BFSP2: variants seen among roughly 807,000 people sequenced by gnomAD.
BFSP2 encodes the protein phakinin.
Under a neutral mutation model 44.9 loss-of-function variants are expected in BFSP2, and 38 were observed. The ratio of observed to expected loss-of-function variants is 0.85; its 90% CI spans 0.65 to 1.11. The LOEUF (loss-of-function observed/expected upper bound fraction) is 1.11. Ranked by LOEUF, BFSP2 falls within the 50% of genes least tolerant of loss-of-function variation. The pLI is 0.00. For synonymous variants in BFSP2, 197 were observed against 209.9 expected (o/e 0.94, Z 0.53); for missense variants, 525 against 533.0 (o/e 0.99, Z 0.15).
At chr3:133,432,936 G>A (rs941311045) in intron 1 of BFSP2, among the ~76,000 whole-genome samples, 22 of 152,138 alleles carry the variant, frequency 1.4e-4, no homozygotes, top group Non-Finnish European at 2.9e-4. Flanking sequence ...CGCGTGCAGC[G>A]GCTGCCGCTG....
intron 1 of BFSP2, among the ~76,000 whole-genome samples, chr3:133,428,993 C>T (rs1394928656): frequency 4.0e-5 from 6 of 151,844 alleles, no homozygotes; most frequent in African/African-American, 1.2e-4. Flanking sequence ...CCACCTAATA[C>T]TCAGCATTGT....
chr3:133,410,581 C>A (rs1261021313), intron 1 of BFSP2: 3 of 282,626 alleles, frequency 1.1e-5, no homozygotes, highest in Non-Finnish European at 2.2e-5. Flanking sequence ...TCTCACGTAT[C>A]TTTTCCAAGT....
intron 1 of BFSP2, among the ~76,000 whole-genome samples, chr3:133,438,435 T>G (rs931109853): frequency 4.6e-5 from 7 of 152,154 alleles, no homozygotes; most frequent in Admixed American, 4.6e-4. Flanking sequence ...CTCAGGAGGC[T>G]GAGGCAGGAG....
chr3:133,452,831 A>G (rs886707303), intron 4 of BFSP2, among the ~76,000 whole-genome samples: 4 of 151,986 alleles, frequency 2.6e-5, no homozygotes, highest in African/African-American at 9.7e-5. Flanking sequence ...TGTGCACCAC[A>G]CTGTGGTAAC....
rs748001305 is a variant in BFSP2 at position 133,474,954 on chromosome 3, T to C, written c.1245-15T>C. ...CCTCACCCATTGCTTCTGACTCCTATGTGTTTCCTTTCAGCTGATGGAGAA... is the reference window on the plus strand; with the variant it reads ...CCTCACCCATTGCTTCTGACTCCTACGTGTTTCCTTTCAGCTGATGGAGAA... On this transcript the variant is annotated splice_polypyrimidine_tract_variant and intron_variant, in intron 6 of 6. Coordinates refer to ENST00000302334, the MANE Select transcript of BFSP2 (RefSeq NM_003571.4). The C allele has an allele frequency of 1.2e-6, 2 of 1,614,208 alleles. No homozygotes were observed. The highest frequency in any genetic ancestry group is 1.1e-5 in the South Asian group (1 of 91,084).
intron 1 of BFSP2, among the ~76,000 whole-genome samples, chr3:133,426,937 G>A (rs1194363245): frequency 1.3e-5 from 2 of 152,190 alleles, no homozygotes; most frequent in African/African-American, 2.4e-5. Flanking sequence ...AGTGGGAGAT[G>A]GAAAGCATGC....
chr3:133,463,678 C>G (rs995699773), intron 4 of BFSP2, among the ~76,000 whole-genome samples: 2 of 152,190 alleles, frequency 1.3e-5, no homozygotes, highest in Non-Finnish European at 2.9e-5. Flanking sequence ...TTGCCCAACT[C>G]CTGAGATCTT....
intron 1 of BFSP2, among the ~76,000 whole-genome samples, chr3:133,428,851 G>A (rs2073679817): frequency 6.6e-6 from 1 of 152,132 alleles, no homozygotes; most frequent in East Asian, 1.9e-4. Flanking sequence ...GTCCCAGCCA[G>A]TCTCTCCCTG....
chr3:133,411,945 A>T (rs1035185838), intron 1 of BFSP2, among the ~76,000 whole-genome samples: 1 of 152,252 alleles, frequency 6.6e-6, no homozygotes, highest in Non-Finnish European at 1.5e-5. Context: ...CCAAACAATT[A>T]AAAAATATAT....
intron 3 of BFSP2, among the ~76,000 whole-genome samples, chr3:133,449,733 C>T (rs930181047): frequency 8.6e-5 from 13 of 151,844 alleles, no homozygotes; most frequent in Non-Finnish European, 1.9e-4. Flanking sequence ...CAAAAATTAG[C>T]TGGGCATGGT....
At position 133,448,504 on chromosome 3, in the gene BFSP2, GC is replaced by G. The variant is rs771781592; in HGVS notation, c.590del (p.Pro197HisfsTer22). ...DFKERYENEQ[P>X]FRKAAEEEIN... is the part of the protein sequence containing the mutation. Reference sequence around the variant, plus strand: ...TTATCTGCAGATATGAAAATGAGCAGCCATTTCGAAAGGCGGCAGAAGAGGA... The same window carrying G: ...TTATCTGCAGATATGAAAATGAGCAGCATTTCGAAAGGCGGCAGAAGAGGA... On this transcript the variant is annotated frameshift_variant, in exon 3 of 7. Transcript: ENST00000302334. LOFTEE classifies it high-confidence loss of function. 6.2e-7 allele frequency: 1 copy of G among 1,613,964 alleles called. No homozygotes were observed. The highest frequency in any genetic ancestry group is 1.1e-5 in the South Asian group (1 of 91,072).
Position 133,406,012 on chromosome 3 carries a change from G to A in BFSP2, c.489+5440G>A, listed in dbSNP as rs369496827. 3.9e-4 allele frequency among the ~76,000 whole-genome samples: 59 copies of A among 152,136 alleles called. 1 individual carries two copies. In the South Asian group the frequency reaches 6.0e-3, roughly 16 times the overall value. On this transcript the variant is annotated intron_variant, in intron 1 of 6. Coordinates refer to ENST00000302334, the MANE Select transcript of BFSP2 (RefSeq NM_003571.4). ...CTCACTCTGTTGCCCAGGTTGTGGC[G>A]CAATCTCGGCTCACTGCAACCTCCG...
chr3:133,438,143 A>C (rs983648236), intron 1 of BFSP2, among the ~76,000 whole-genome samples: 66 of 152,228 alleles, frequency 4.3e-4, no homozygotes, highest in African/African-American at 1.6e-3. Context: ...TGAGTAAGTT[A>C]AATATTCATT....
intron 5 of BFSP2, among the ~76,000 whole-genome samples, chr3:133,468,507 T>C (rs1468218936): frequency 3.9e-5 from 6 of 152,162 alleles, no homozygotes; most frequent in Non-Finnish European, 8.8e-5. Flanking sequence ...AAAAATGGCT[T>C]CTTCATTTAG....
chr3:133,414,909 ACTCCT>A (rs2073500172), intron 1 of BFSP2, among the ~76,000 whole-genome samples: 1 of 47,654 alleles, frequency 2.1e-5, no homozygotes, highest in Non-Finnish European at 4.1e-5. Context: ...CCCACTACTC[ACTCCT>A]GCCCTGTCCC....
intron 4 of BFSP2, chr3:133,455,756 G>C (rs1387180129): frequency 2.6e-5 from 4 of 152,210 alleles, no homozygotes; most frequent in Non-Finnish European, 5.9e-5. Context: ...TCCTCTGCCA[G>C]GCAAACAGCT....
chr3:133,463,270 T>C, intron 4 of BFSP2, among the ~76,000 whole-genome samples: 1 of 151,964 alleles, frequency 6.6e-6, no homozygotes, highest in East Asian at 1.9e-4. Context: ...GATCGCACCA[T>C]CGCACTCCAG....
At chr3:133,448,353 C>T (rs1166581649) in intron 2 of BFSP2, 136 bp from the exon 3 acceptor site, 3 of 1,161,332 alleles carry the variant, frequency 2.6e-6, no homozygotes, top group African/African-American at 1.5e-5. Context: ...TAACAGTGCC[C>T]TCAAATCTAT....
chr3:133,408,600 A>C (rs1419230206), intron 1 of BFSP2, among the ~76,000 whole-genome samples: 2 of 152,250 alleles, frequency 1.3e-5, no homozygotes, highest in Non-Finnish European at 2.9e-5. Context: ...GTAATACCAA[A>C]ATACTGGAAA....
Sources: gnomAD v4.1 joint callset for allele counts (sites outside exome capture counted in the v4.1 genomes callset) on GRCh38, gnomAD v4.1.1 for gene constraint, MANE v1.5 for transcripts, NCBI Gene and HGNC (gene_info 2026-07-23, HGNC 2026-07-21) for gene names.